The following TP53BP2 variants were observed in gnomAD, a reference collection of about 807,000 sequenced individuals.
The protein encoded by TP53BP2 is tumor protein p53 binding protein 2, also known as apoptosis-stimulating of p53 protein 2.
A neutral mutation model predicts 126.2 loss-of-function variants in TP53BP2; 62 were observed. The ratio of observed to expected loss-of-function variants is 0.49; its 90% CI spans 0.40 to 0.61. The LOEUF (loss-of-function observed/expected upper bound fraction) is 0.61. Among genes scored for constraint, TP53BP2 ranks in the 20% least tolerant of loss-of-function variants. The pLI is 0.00. For missense variants in TP53BP2, 1,215 were observed against 1,402.8 expected, an observed-to-expected ratio of 0.87 and a Z score of 2.14; for synonymous variants, 485 against 502.9, an observed-to-expected ratio of 0.96 and a Z score of 0.48.
rs773692929 is a variant in TP53BP2 at position 223,798,725 on chromosome 1, A to G, written c.1486-48T>C. On this transcript the variant is annotated intron_variant, in intron 11 of 17. Transcript: ENST00000343537. ...CAGTTAAAATACTATATAACTGGGTACACAGGATGTTCTAGATAACCTAAT... is the reference window on the plus strand; with the variant it reads ...CAGTTAAAATACTATATAACTGGGTGCACAGGATGTTCTAGATAACCTAAT... The G allele has an allele frequency of 1.3e-5, 19 of 1,408,856 alleles. No homozygotes were observed. In the Admixed American group the frequency reaches 2.8e-4, roughly 21 times the overall value. The allele number at this position is 1,408,856 out of a possible 1,614,324, so 87.3% of individuals were successfully genotyped here. A position where few individuals can be genotyped will look rare whatever the true frequency, so the allele number is the denominator to read the frequency against.
chr1:223,843,278 AT>A (rs1484235407), intron 1 of TP53BP2, among the ~76,000 whole-genome samples: 1 of 151,496 alleles, frequency 6.6e-6, no homozygotes, highest in East Asian at 1.9e-4. Flanking sequence ...GGTTCAAGCA[AT>A]TTTGCCTCAG....
chr1:223,831,276 C>T (rs547092060), intron 1 of TP53BP2, among the ~76,000 whole-genome samples: 2 of 147,782 alleles, frequency 1.4e-5, no homozygotes, highest in East Asian at 4.0e-4. Context: ...TACCTGTAGT[C>T]CGTCCTAGCT....
In TP53BP2 at chr1:223,815,310, G is replaced by A. The variant is rs1474436828; in HGVS notation, c.176-957C>T. Reference sequence around the variant, plus strand: ...CTTGGCTGCAACAAAATGCAGTTCTGGTTCTACTTCCAGTAACATAACATA... The same window carrying A: ...CTTGGCTGCAACAAAATGCAGTTCTAGTTCTACTTCCAGTAACATAACATA... On this transcript the variant is annotated intron_variant, in intron 2 of 17. Transcript: ENST00000343537. 3.9e-5 allele frequency among the ~76,000 whole-genome samples: 6 copies of A among 152,064 alleles called. No homozygotes were observed. In the East Asian group the frequency reaches 9.6e-4, roughly 24 times the overall value.
At chr1:223,813,051 A>G (rs916143449) in intron 3 of TP53BP2, among the ~76,000 whole-genome samples, 2 of 152,058 alleles carry the variant, frequency 1.3e-5, no homozygotes, top group Non-Finnish European at 2.9e-5. Context: ...CACATCCTAC[A>G]AGACTGCTGG....
At chr1:223,817,297 G>T (rs1481282200) in intron 2 of TP53BP2, among the ~76,000 whole-genome samples, 1 of 29,184 alleles carries the variant, frequency 3.4e-5, no homozygotes, top group Non-Finnish European at 6.1e-5. Flanking sequence ...GAAAGGAGGA[G>T]GGGGAGGGAA....
intron 1 of TP53BP2, among the ~76,000 whole-genome samples, chr1:223,823,920 G>A (rs1376936858): frequency 6.6e-6 from 1 of 152,152 alleles, no homozygotes; most frequent in Non-Finnish European, 1.5e-5. Flanking sequence ...GAAATACAGA[G>A]TATATGCTAA....
chr1:223,842,162 A>C (rs941275337), intron 1 of TP53BP2, among the ~76,000 whole-genome samples: 1 of 151,296 alleles, frequency 6.6e-6, no homozygotes. Context: ...CTGGTCTCAA[A>C]CTCCTGACCT....
chr1:223,814,457 A>C (rs775078359), intron 2 of TP53BP2, 104 bp from the exon 3 acceptor site: 3 of 802,384 alleles, frequency 3.7e-6, no homozygotes, highest in Non-Finnish European at 6.0e-6. Flanking sequence ...GGATACAACA[A>C]ATGCTTAGTA....
intron 16 of TP53BP2, among the ~76,000 whole-genome samples, chr1:223,787,669 G>A (rs774545472): frequency 3.3e-5 from 5 of 152,222 alleles, no homozygotes; most frequent in Admixed American, 2.0e-4. Context: ...CTAAGCTCAC[G>A]AGTTTGAGAA....
Position 223,845,747 on chromosome 1 carries a change from GA to G in TP53BP2, c.-68del. Reference sequence around the variant, plus strand: ...GCCCCGGAGGGTCGCGGATGCGGGGGAGGGGAGCGGAGAGCGAGGCCGCCCG... The same window carrying G: ...GCCCCGGAGGGTCGCGGATGCGGGGGGGGGAGCGGAGAGCGAGGCCGCCCG... On this transcript the variant is annotated 5_prime_UTR_variant, in exon 1 of 18. Coordinates refer to ENST00000343537, the MANE Select transcript of TP53BP2 (RefSeq NM_001031685.3). 7.0e-7 allele frequency: 1 copy of G among 1,428,002 alleles called. No homozygotes were observed. 88.5% of individuals were successfully genotyped at this position (1,428,002 alleles called of 1,614,324 possible).
At chr1:223,805,242 G>A (rs976732787) in intron 5 of TP53BP2, among the ~76,000 whole-genome samples, 1 of 149,758 alleles carries the variant, frequency 6.7e-6, no homozygotes, top group Non-Finnish European at 1.5e-5. Flanking sequence ...GCAACACAGT[G>A]AGAACCCATC....
chr1:223,790,937 T>C (rs1662136211), intron 15 of TP53BP2, among the ~76,000 whole-genome samples: 1 of 152,160 alleles, frequency 6.6e-6, no homozygotes, highest in Admixed American at 6.5e-5. Flanking sequence ...TGGCAAATAT[T>C]ACTATAGATT....
At chr1:223,839,306 G>A (rs1664026761) in intron 1 of TP53BP2, among the ~76,000 whole-genome samples, 1 of 152,170 alleles carries the variant, frequency 6.6e-6, no homozygotes, top group Non-Finnish European at 1.5e-5. Flanking sequence ...ACTTCAGAGT[G>A]TAATAAGGGG....
chr1:223,821,436 C>A (rs1378303341), intron 1 of TP53BP2, 69 bp from the exon 2 acceptor site: 3 of 1,599,306 alleles, frequency 1.9e-6, no homozygotes, highest in Non-Finnish European at 1.7e-6. Context: ...CCTTAAATTC[C>A]TTTCTCCAAA....
chr1:223,809,920 G>A (rs1424161557), intron 4 of TP53BP2, among the ~76,000 whole-genome samples: 4 of 151,930 alleles, frequency 2.6e-5, no homozygotes, highest in African/African-American at 4.8e-5. Context: ...TCTGCCTCCC[G>A]GGTTCAAGAG....
chr1:223,826,238 T>C (rs1308944972), intron 1 of TP53BP2, among the ~76,000 whole-genome samples: 1 of 152,206 alleles, frequency 6.6e-6, no homozygotes, highest in Non-Finnish European at 1.5e-5. Context: ...AGCCAGATCA[T>C]GCATGTCTTT....
At chr1:223,800,147 TC>T in intron 10 of TP53BP2, 100 bp from the exon 11 acceptor site, 1 of 1,275,302 alleles carries the variant, frequency 7.8e-7, no homozygotes, top group Non-Finnish European at 1.1e-6. Flanking sequence ...AAAATCTGTG[TC>T]CACAAAGCAC....
At chr1:223,841,273 G>T (rs552933743) in intron 1 of TP53BP2, among the ~76,000 whole-genome samples, 1 of 76,422 alleles carries the variant, frequency 1.3e-5, no homozygotes, top group African/African-American at 8.4e-5. Flanking sequence ...ATAAATAAAA[G>T]AAATATTTTG....
chr1:223,833,151 TA>T (rs1455760996), intron 1 of TP53BP2, among the ~76,000 whole-genome samples: 1 of 152,242 alleles, frequency 6.6e-6, no homozygotes, highest in African/African-American at 2.4e-5. Context: ...ATTCACCAAT[TA>T]CCATAAGTTA....
Sources: gnomAD v4.1 joint callset for allele counts (sites outside exome capture counted in the v4.1 genomes callset) on GRCh38, gnomAD v4.1.1 for gene constraint, MANE v1.5 for transcripts, NCBI Gene and HGNC (gene_info 2026-07-23, HGNC 2026-07-21) for gene names.